Variants in PLCE1 observed in about 807,000 individuals in gnomAD.
PLCE1 encodes phospholipase C epsilon 1.
A neutral mutation model predicts 242.8 loss-of-function variants in PLCE1; 119 were observed. The ratio of observed to expected loss-of-function variants is 0.49; its 90% CI spans 0.42 to 0.57. The LOEUF is 0.57. Among genes scored for constraint, PLCE1 ranks in the 20% least tolerant of loss-of-function variants. The probability of loss-of-function intolerance (pLI) is 0.00; values close to 1 mark genes in which losing one functional copy is unlikely to be tolerated. For synonymous variants in PLCE1, 945 were observed against 1,017.4 expected (o/e 0.93, Z 1.35); for missense variants, 2,441 against 2,788.8 (o/e 0.88, Z 2.81).
chr10:94,118,858 A>T (rs1302215491), intron 2 of PLCE1, among the ~76,000 whole-genome samples: 1 of 152,076 alleles, frequency 6.6e-6, no homozygotes, highest in Non-Finnish European at 1.5e-5. Flanking sequence ...AAAGTCCCTG[A>T]CTCATCCTCA....
chr10:94,297,590 T>TAAAAAAAA lies in PLCE1; in HGVS notation c.5168-759_5168-752dup, dbSNP rs71031568. On this transcript the variant is annotated intron_variant, in intron 23 of 32. Transcript: ENST00000371380. ...AGGCCTGCCCCAAACTTTAAATTTG[T>TAAAAAAAA]AAAAAAAAAAAAAAAAAAAAAAAAA... 1.2e-3 allele frequency among the ~76,000 whole-genome samples: 66 copies of TAAAAAAAA among 56,556 alleles called. 5 individuals are homozygous for TAAAAAAAA. Among genetic ancestry groups the TAAAAAAAA allele is most frequent in the East Asian group, 2.2e-3 (4 of 1,788 alleles). The allele number at this position is 56,556 out of a possible 152,430, so 37.1% of individuals were successfully genotyped here. A position where few individuals can be genotyped will look rare whatever the true frequency, so the allele number is the denominator to read the frequency against.
chr10:94,280,042 C>G (rs2052140902), intron 20 of PLCE1, 131 bp downstream of exon 20: 3 of 956,616 alleles, frequency 3.1e-6, no homozygotes, highest in East Asian at 2.5e-5. Context: ...CCAGGAGTTT[C>G]TGAATTCAGT....
At chr10:94,309,463 T>C (rs540254044) in intron 27 of PLCE1, among the ~76,000 whole-genome samples, 1 of 152,240 alleles carries the variant, frequency 6.6e-6, no homozygotes, top group Admixed American at 6.5e-5. Context: ...CCTGAGTAGA[T>C]GGGACTACAG....
At position 94,031,099 on chromosome 10, in the gene PLCE1, A is replaced by G; in HGVS notation, c.53A>G (p.Lys18Arg). ...ASVLIPVTQR[K>R]VVSAQSAADE... is the part of the protein sequence containing the mutation. ...GTTCTCATACCTGTGACTCAGAGAA[A>G]AGTGGTTTCTGCCCAGTCGGCTGCA... Residue 18 changes from lysine (K) to arginine (R), a missense_variant, in exon 2 of 33, where the codon AAA becomes AGA. Lys to Arg is a conservative substitution (Grantham distance 26). Transcript: ENST00000371380. 6.2e-7 allele frequency: 1 copy of G among 1,613,766 alleles called. No individual in the cohort carries two copies. Among genetic ancestry groups the G allele is most frequent in the Non-Finnish European group, 8.5e-7 (1 of 1,179,744 alleles).
At chr10:94,083,851 T>C (rs1281374219) in intron 2 of PLCE1, among the ~76,000 whole-genome samples, 2 of 152,198 alleles carry the variant, frequency 1.3e-5, no homozygotes, top group East Asian at 1.9e-4. Context: ...CCAGTAATGA[T>C]TGGCCGACTT....
intron 2 of PLCE1, among the ~76,000 whole-genome samples, chr10:94,059,204 A>T (rs1403949016): frequency 6.6e-6 from 1 of 152,248 alleles, no homozygotes; most frequent in Non-Finnish European, 1.5e-5. Flanking sequence ...TTGTTCATTC[A>T]TGAGGATAGG....
intron 1 of PLCE1, among the ~76,000 whole-genome samples, chr10:94,029,457 T>TGG (rs2134467849): frequency 6.6e-6 from 1 of 152,312 alleles, no homozygotes; most frequent in Non-Finnish European, 1.5e-5. Context: ...CTATGTATGT[T>TGG]GATGCATAGG....
At chr10:94,198,943 T>C (rs2048908984) in intron 4 of PLCE1, among the ~76,000 whole-genome samples, 1 of 152,114 alleles carries the variant, frequency 6.6e-6, no homozygotes, top group Non-Finnish European at 1.5e-5. Flanking sequence ...TCCCAGCTAC[T>C]TGGGAGGCTG....
intron 22 of PLCE1, among the ~76,000 whole-genome samples, chr10:94,291,883 C>G (rs1291142532): frequency 6.6e-6 from 1 of 152,102 alleles, no homozygotes; most frequent in Non-Finnish European, 1.5e-5. Flanking sequence ...ATTCAAAATC[C>G]TTCCCCTTCT....
intron 3 of PLCE1, 33 bp from the exon 4 acceptor site, chr10:94,171,147 G>T: frequency 1.9e-6 from 3 of 1,586,260 alleles, no homozygotes; most frequent in Non-Finnish European, 2.6e-6. Context: ...CACCAGATTT[G>T]ATGTAACCAC....
intron 7 of PLCE1, among the ~76,000 whole-genome samples, chr10:94,237,740 G>T (rs751266185): frequency 2.6e-5 from 4 of 152,168 alleles, no homozygotes; most frequent in Non-Finnish European, 5.9e-5. Context: ...CTGTTTAATA[G>T]AATTCACCAA....
At position 94,328,743 on chromosome 10, in the gene PLCE1, C is replaced by CTTT. The variant is rs1422846710; in HGVS notation, c.*801_*803dup. The CTTT allele has an allele frequency of 6.6e-6, 1 of 151,998 alleles. No homozygotes were observed. Among genetic ancestry groups the CTTT allele is most frequent in the Non-Finnish European group, 1.5e-5 (1 of 68,018 alleles). 9.4% of individuals were successfully genotyped at this position (151,998 alleles called of 1,614,324 possible). A position where few individuals can be genotyped will look rare whatever the true frequency, so the allele number is the denominator to read the frequency against. On this transcript the variant is annotated 3_prime_UTR_variant, in exon 33 of 33. Coordinates refer to ENST00000371380, the MANE Select transcript of PLCE1 (RefSeq NM_016341.4). Reference sequence around the variant, plus strand: ...GTATTGTGTACCACAGTGCACTCCTCTTTAGGATTTTTTTACATATAGAAA... The same window carrying CTTT: ...GTATTGTGTACCACAGTGCACTCCTCTTTTTTAGGATTTTTTTACATATAGAAA...
At position 94,154,957 on chromosome 10, in the gene PLCE1, T is replaced by C. The variant is rs547428444; in HGVS notation, c.1493-16223T>C. Among the ~76,000 whole-genome samples, 6 of 72,200 alleles carry C rather than the reference T, an allele frequency of 8.3e-5. No individual in the cohort carries two copies. The South Asian group carries it at 2.3e-3, about 28-fold the overall frequency. 47.4% of individuals were successfully genotyped at this position (72,200 alleles called of 152,430 possible). A position where few individuals can be genotyped will look rare whatever the true frequency, so the allele number is the denominator to read the frequency against. ...CCACTTCACCCACTAGGATAGATAA[T>C]TGGGGGAAAAAAAAGTAAGAAAGAA... On this transcript the variant is annotated intron_variant, in intron 3 of 32. Coordinates refer to ENST00000371380, the MANE Select transcript of PLCE1 (RefSeq NM_016341.4).
intron 2 of PLCE1, among the ~76,000 whole-genome samples, chr10:94,102,135 A>G (rs114444250): frequency 0.031 from 4,731 of 152,306 alleles, 244 homozygotes; most frequent in African/African-American, 0.11. Context: ...AACAATAAGC[A>G]TCTGTTCTAT....
chr10:94,116,695 A>C (rs2046141129), intron 2 of PLCE1, among the ~76,000 whole-genome samples: 1 of 150,274 alleles, frequency 6.7e-6, no homozygotes, highest in Non-Finnish European at 1.5e-5. Flanking sequence ...ACTCTGTCTC[A>C]AAAAAAAAAA....
chr10:94,272,016 C>A (rs1271338008), intron 18 of PLCE1, among the ~76,000 whole-genome samples: 4 of 152,138 alleles, frequency 2.6e-5, no homozygotes, highest in African/African-American at 9.7e-5. Context: ...AGGACCAGGG[C>A]AAAATCAGAA....
chr10:94,327,542 A>C (rs1373549458), intron 32 of PLCE1, among the ~76,000 whole-genome samples: 1 of 152,176 alleles, frequency 6.6e-6, no homozygotes, highest in Non-Finnish European at 1.5e-5. Context: ...AGAGAGCAAA[A>C]AGAAAGTTAG....
chr10:94,204,561 G>A (rs571901839), intron 4 of PLCE1, among the ~76,000 whole-genome samples: 3 of 152,122 alleles, frequency 2.0e-5, no homozygotes, highest in African/African-American at 4.8e-5. Flanking sequence ...CCAGCTACTC[G>A]GGAAACTGAG....
At chr10:94,293,040 A>T (rs2133448951) in intron 22 of PLCE1, among the ~76,000 whole-genome samples, 1 of 152,300 alleles carries the variant, frequency 6.6e-6, no homozygotes, top group East Asian at 1.9e-4. Flanking sequence ...ATCATTACAC[A>T]CATTTTGTAG....
Sources: allele counts gnomAD v4.1 joint callset (sites outside exome capture counted in the v4.1 genomes callset), GRCh38; gene constraint gnomAD v4.1.1; transcripts MANE v1.5; gene names NCBI Gene and HGNC (gene_info 2026-07-23, HGNC 2026-07-21).